Variants in IP6K1 observed in about 807,000 individuals in gnomAD.
IP6K1 encodes the protein ATP:1D-myo-inositol-hexakisphosphate phosphotransferase.
IP6K1 carries 13 observed loss-of-function variants against 38.3 expected under a neutral mutation model. That is an observed-to-expected ratio of 0.34 (90% CI 0.22 to 0.54). IP6K1 has a LOEUF of 0.54. IP6K1 is among the 20% of genes least tolerant of loss of function. The pLI is 0.92. For synonymous variants in IP6K1, 212 were observed against 229.9 expected, an observed-to-expected ratio of 0.92 and a Z score of 0.70; for missense variants, 397 against 599.8, an observed-to-expected ratio of 0.66 and a Z score of 3.53.
intron 1 of IP6K1, among the ~76,000 whole-genome samples, chr3:49,779,587 T>C (rs748440450): frequency 1.3e-4 from 20 of 152,226 alleles, no homozygotes; most frequent in Admixed American, 1.2e-3. Flanking sequence ...ATGAGGTCTC[T>C]AATTTCTCCA....
At position 49,744,294 on chromosome 3, in the gene IP6K1, C is replaced by T. The variant is rs60277694; in HGVS notation, c.223+3524G>A. Among the ~76,000 whole-genome samples the T allele has an allele frequency of 5.0e-3, 731 of 144,902 alleles. 7 individuals carry two copies. The highest frequency in any genetic ancestry group is 0.018 in the African/African-American group (689 of 39,148). On this transcript the variant is annotated intron_variant, in intron 2 of 5. Transcript: ENST00000321599. ...GCGGGAGCCTGTAGTCCCAGCTACT[C>T]GGGAGGCTGAGGCAGAAGAATGGCG...
chr3:49,757,649 G>A (rs2080835507), intron 1 of IP6K1, among the ~76,000 whole-genome samples: 1 of 152,164 alleles, frequency 6.6e-6, no homozygotes. Flanking sequence ...GAGCCTGGAA[G>A]GCGGAGGTTG....
At chr3:49,732,682 A>G in intron 4 of IP6K1, 109 bp downstream of exon 4, 1 of 805,142 alleles carries the variant, frequency 1.2e-6, no homozygotes, top group Non-Finnish European at 1.9e-6. Flanking sequence ...AAGGGAGATT[A>G]AACCGAAGAG....
intron 1 of IP6K1, among the ~76,000 whole-genome samples, chr3:49,751,480 C>T (rs1254355296): frequency 6.6e-6 from 1 of 151,830 alleles, no homozygotes; most frequent in African/African-American, 2.4e-5. Context: ...TTTTTATCAA[C>T]CAGAGGTTAC....
chr3:49,778,530 G>A (rs1451859785), intron 1 of IP6K1, among the ~76,000 whole-genome samples: 1 of 152,106 alleles, frequency 6.6e-6, no homozygotes. Context: ...CTACTCAGGA[G>A]GCTGAGGCAG....
intron 3 of IP6K1, among the ~76,000 whole-genome samples, chr3:49,733,928 A>G (rs1311785237): frequency 1.3e-5 from 2 of 152,132 alleles, no homozygotes; most frequent in Admixed American, 1.3e-4. Context: ...CCAGGTGTTC[A>G]AGACCAGCCT....
chr3:49,737,558 C>T (rs368853741), intron 3 of IP6K1, among the ~76,000 whole-genome samples: 33 of 152,128 alleles, frequency 2.2e-4, no homozygotes, highest in African/African-American at 7.5e-4. Flanking sequence ...TGGTGGTGCA[C>T]GCCTGTAATC....
rs2080506523 is a variant in IP6K1 at position 49,726,758 on chromosome 3, T to TAC, written c.*362_*363dup. ...GGGGCCCTGCACCAGCCCAGGGCTT[T>TAC]ACCTTACAATCAGCAGGGCCCTGCA... On this transcript the variant is annotated 3_prime_UTR_variant, in exon 6 of 6. Coordinates refer to ENST00000321599, the MANE Select transcript of IP6K1 (RefSeq NM_153273.4). The TAC allele has an allele frequency of 2.9e-6, 1 of 341,120 alleles. No homozygotes were observed. Among genetic ancestry groups the TAC allele is most frequent in the African/African-American group, 2.1e-5 (1 of 47,278 alleles). 21.1% of individuals were successfully genotyped at this position (341,120 alleles called of 1,614,324 possible). A position where few individuals can be genotyped will look rare whatever the true frequency, so the allele number is the denominator to read the frequency against.
intron 1 of IP6K1, among the ~76,000 whole-genome samples, chr3:49,749,164 G>C (rs1013409021): frequency 5.9e-5 from 9 of 152,188 alleles, no homozygotes; most frequent in Admixed American, 4.6e-4. Flanking sequence ...CCTGCTGTGA[G>C]GCCCAGTTCC....
intron 1 of IP6K1, among the ~76,000 whole-genome samples, chr3:49,768,545 G>C (rs188634221): frequency 6.6e-6 from 1 of 152,246 alleles, no homozygotes; most frequent in East Asian, 1.9e-4. Context: ...TGAGGCAGGT[G>C]GATCACTTGA....
At position 49,738,287 on chromosome 3, in the gene IP6K1, C is replaced by A; in HGVS notation, c.359G>T (p.Arg120Leu). ...REQPRRKHSRRSLHRSGSGSD... is the reference protein window; with the variant it reads ...REQPRRKHSRLSLHRSGSGSD... The stretch of plus-strand genomic sequence containing the variant: ...GCCACTGCCTGACCGGTGCAGGCTC[C>A]GGCGGGAGTGTTTGCGCCGAGGTTG... Residue 120 changes from arginine (R) to leucine (L), a missense_variant, in exon 3 of 6, where the codon CGG becomes CTG. Physicochemically the swap from Arg to Leu is moderately radical, Grantham distance 102 (BLOSUM62 -2). This residue lies in a region of IP6K1 where 171 missense variants were observed against 237.0 expected (regional missense o/e 0.72). Transcript: ENST00000321599. 1 of 1,614,190 alleles carries A rather than the reference C, an allele frequency of 6.2e-7. No individual in the cohort carries two copies. The highest frequency in any genetic ancestry group is 8.5e-7 in the Non-Finnish European group (1 of 1,180,034).
chr3:49,748,004 C>T lies in IP6K1; in HGVS notation c.37G>A (p.Gly13Ser), dbSNP rs748043612. 1 of 1,613,794 alleles carries T rather than the reference C, an allele frequency of 6.2e-7. No individual in the cohort carries two copies. ...VCQTMEVGQY[G>S]KNASRAGDRG... is the part of the protein sequence containing the mutation. ...TCTCCAGCCCGACTTGCATTCTTGC[C>T]ATACTGCCCCACTTCCATGGTTTGA... The change falls in exon 2 of 6, where the codon GGC (glycine) becomes AGC (serine). Residue 13 changes from glycine (G) to serine (S), a missense_variant. This residue lies in a region of IP6K1 where 171 missense variants were observed against 237.0 expected (regional missense o/e 0.72). Transcript: ENST00000321599.
intron 1 of IP6K1, among the ~76,000 whole-genome samples, chr3:49,749,317 CTA>C (rs138152410): frequency 0.024 from 3,678 of 152,260 alleles, 142 homozygotes; most frequent in African/African-American, 0.084. Flanking sequence ...CTGTCTGACT[CTA>C]TACCAACCAG....
intron 1 of IP6K1, among the ~76,000 whole-genome samples, chr3:49,754,827 C>T (rs577345982): frequency 1.3e-5 from 2 of 152,194 alleles, no homozygotes; most frequent in South Asian, 4.2e-4. Context: ...AAATGCAGAT[C>T]AGCAGGTATA....
In IP6K1 at chr3:49,770,097, GC is replaced by G. The variant is rs2080944348; in HGVS notation, c.-129+16256del. Among the ~76,000 whole-genome samples, 9 of 152,214 alleles carry G rather than the reference GC, an allele frequency of 5.9e-5. No individual in the cohort carries two copies. The South Asian group carries it at 1.9e-3, about 32-fold the overall frequency. On this transcript the variant is annotated intron_variant, in intron 1 of 5. Transcript: ENST00000321599. ...CATGCCTGTAGTTCCAGCTTGAGAGGCTGAGTTGGGAGGATCACTCAAGCCC... is the reference window on the plus strand; with the variant it reads ...CATGCCTGTAGTTCCAGCTTGAGAGGTGAGTTGGGAGGATCACTCAAGCCC...
intron 1 of IP6K1, among the ~76,000 whole-genome samples, chr3:49,774,230 C>A (rs1353935817): frequency 6.6e-6 from 1 of 151,452 alleles, no homozygotes; most frequent in Non-Finnish European, 1.5e-5. Flanking sequence ...CATGGTGAAA[C>A]CCCATCTCTA....
rs531697831 is a variant in IP6K1, at chr3:49,769,768, C to T, written c.-129+16586G>A. Among the ~76,000 whole-genome samples the T allele has an allele frequency of 1.6e-4, 24 of 152,224 alleles. 1 individual carries two copies. In the East Asian group the frequency reaches 4.4e-3, roughly 28 times the overall value. On this transcript the variant is annotated intron_variant, in intron 1 of 5. Coordinates refer to ENST00000321599, the MANE Select transcript of IP6K1 (RefSeq NM_153273.4). ...ATCATTTCTGTAGGAGATAACTGCA[C>T]GCCATGAGGAAACTCAAAGAGCCCT...
At chr3:49,744,566 A>G (rs935476702) in intron 2 of IP6K1, among the ~76,000 whole-genome samples, 20 of 152,114 alleles carry the variant, frequency 1.3e-4, no homozygotes, top group African/African-American at 4.6e-4. Context: ...CGTACTTCTG[A>G]CATGATTTTT....
chr3:49,785,275 A>G (rs1412021088), intron 1 of IP6K1, among the ~76,000 whole-genome samples: 1 of 151,648 alleles, frequency 6.6e-6, no homozygotes, highest in Non-Finnish European at 1.5e-5. Context: ...TGGGAGGCCA[A>G]GGGGGGTGGA....
Sources: allele counts gnomAD v4.1 joint callset (sites outside exome capture counted in the v4.1 genomes callset), GRCh38; gene constraint gnomAD v4.1.1; regional missense constraint gnomAD v4.1.1; transcripts MANE v1.5; gene names NCBI Gene and HGNC (gene_info 2026-07-23, HGNC 2026-07-21).